FOXA3: variants seen among roughly 807,000 people sequenced by gnomAD.
FOXA3 encodes the protein hepatocyte nuclear factor 3-gamma.
In FOXA3, 11 loss-of-function variants were observed where a neutral mutation model predicts 16.9. The observed-to-expected ratio is 0.65, with a 90% CI of 0.41 to 1.08. FOXA3 has a LOEUF of 1.08. FOXA3 is among the 50% of genes least tolerant of loss of function. The probability of loss-of-function intolerance (pLI) is 0.00; values close to 1 mark genes in which losing one functional copy is unlikely to be tolerated. For synonymous variants in FOXA3, 217 were observed against 203.3 expected (o/e 1.07, Z -0.57); for missense variants, 423 against 470.1 (o/e 0.90, Z 0.93).
chr19:45,869,008 A>T (rs1397552941), intron 1 of FOXA3, among the ~76,000 whole-genome samples: 1 of 151,754 alleles, frequency 6.6e-6, no homozygotes, highest in Non-Finnish European at 1.5e-5. Context: ...GCTCACCACA[A>T]CCTCTGCCTC....
At position 45,872,631 on chromosome 19, in the gene FOXA3, G is replaced by T. The variant is rs1005769337; in HGVS notation, c.626G>T (p.Arg209Leu). 5.6e-6 allele frequency: 9 copies of T among 1,613,638 alleles called. No individual in the cohort carries two copies. The highest frequency in any genetic ancestry group is 1.3e-5 in the African/African-American group (1 of 74,904). Residue 209 changes from arginine (R) to leucine (L), a missense_variant, in exon 2 of 2, where the codon CGC (arginine) becomes CTC (leucine). Arg to Leu is a moderately radical substitution (Grantham distance 102, BLOSUM62 -2). Transcript: ENST00000302177. This position sits in a 1 kb window ranked among gnomAD's most constrained non-coding sequence, Gnocchi z 4.5. ...NMFENGCYLR[R>L]QKRFKLEEKV... ...TTTGAGAATGGCTGCTACCTGCGCC[G>T]CCAGAAACGCTTCAAGCTGGAGGAG...
chr19:45,866,251 A>G (rs1972084206), intron 1 of FOXA3, among the ~76,000 whole-genome samples: 2 of 152,048 alleles, frequency 1.3e-5, no homozygotes, highest in Admixed American at 1.3e-4. Flanking sequence ...GTCTTTAAAA[A>G]AAAAATTTTT....
chr19:45,872,996 G>A lies in FOXA3; in HGVS notation c.991G>A (p.Gly331Ser), dbSNP rs761110488. 2.5e-6 allele frequency: 4 copies of A among 1,613,380 alleles called. No homozygotes were observed. Among genetic ancestry groups the A allele is most frequent in the East Asian group, 4.5e-5 (2 of 44,872 alleles). The change falls in exon 2 of 2, where the codon GGT (glycine) becomes AGT (serine). Residue 331 changes from glycine to serine, a missense_variant. Coordinates refer to ENST00000302177, the MANE Select transcript of FOXA3 (RefSeq NM_004497.3). This position sits in a 1 kb window ranked among gnomAD's most constrained non-coding sequence, Gnocchi z 4.5. The stretch of plus-strand genomic sequence containing the variant: ...GGGGTTTGGGGGCTACGGGGCTGAA[G>A]GTGGGGAGCCTGGAGTCTACTACCA... Reference protein sequence around the residue: ...DVGFGGYGAEGGEPGVYYQGL... With the variant: ...DVGFGGYGAESGEPGVYYQGL...
At chr19:45,871,699 A>C (rs1299846179) in intron 1 of FOXA3, among the ~76,000 whole-genome samples, 1 of 151,846 alleles carries the variant, frequency 6.6e-6, no homozygotes, top group Non-Finnish European at 1.5e-5. Context: ...ACGCCACTGC[A>C]CTCCAGCCTG....
Position 45,864,353 on chromosome 19 carries a change from C to A in FOXA3, c.-104C>A. On this transcript the variant is annotated 5_prime_UTR_variant, in exon 1 of 2. Coordinates refer to ENST00000302177, the MANE Select transcript of FOXA3 (RefSeq NM_004497.3). ...GACAGCCGTACCCCGGGCGGTCGGA[C>A]GGGCGGGCGCCGGTGGGAGCTCGGG... The A allele has an allele frequency of 1.9e-6, 2 of 1,048,068 alleles. No individual in the cohort carries two copies. The highest frequency in any genetic ancestry group is 1.2e-6 in the Non-Finnish European group (1 of 804,534). The allele number at this position is 1,048,068 out of a possible 1,614,324, so 64.9% of individuals were successfully genotyped here.
Position 45,873,365 on chromosome 19 carries a change from A to C in FOXA3, c.*307A>C, listed in dbSNP as rs1364825218. 7 of 427,868 alleles carry C rather than the reference A, an allele frequency of 1.6e-5. No homozygotes were observed. The Admixed American group carries it at 2.2e-4, about 14-fold the overall frequency. 26.5% of individuals were successfully genotyped at this position (427,868 alleles called of 1,614,324 possible). Reference sequence around the variant, plus strand: ...GGTTGGCCCTTTGGGTGTGATGGTGATAGCATTTCAGTGACATCTTCTTTG... The same window carrying C: ...GGTTGGCCCTTTGGGTGTGATGGTGCTAGCATTTCAGTGACATCTTCTTTG... On this transcript the variant is annotated 3_prime_UTR_variant, in exon 2 of 2. Coordinates refer to ENST00000302177, the MANE Select transcript of FOXA3 (RefSeq NM_004497.3).
In FOXA3 at chr19:45,872,748, C is replaced by A. The variant is rs201747924; in HGVS notation, c.743C>A (p.Thr248Asn). 1.8e-4 allele frequency: 290 copies of A among 1,603,772 alleles called. No individual in the cohort carries two copies. The African/African-American group carries it at 3.6e-3, about 20-fold the overall frequency. The part of the protein sequence containing the change: ...ASTTTPAATV[T>N]SPPQPPPPAP... ...ACCACCACCCCCGCGGCCACAGTCA[C>A]CTCCCCGCCCCAGCCCCCGCCTCCA... The change falls in exon 2 of 2, where the codon ACC becomes AAC. Residue 248 changes from threonine to asparagine, a missense_variant. Around this residue, in one of 3 missense-constraint regions of FOXA3, gnomAD observed 168 missense variants for 179.3 expected, o/e 0.94. Transcript: ENST00000302177. The surrounding 1 kb of genome is among the most constrained non-coding windows in gnomAD (Gnocchi z 4.5).
intron 1 of FOXA3, among the ~76,000 whole-genome samples, chr19:45,868,000 G>C (rs1394904267): frequency 6.6e-6 from 1 of 151,354 alleles, no homozygotes; most frequent in Non-Finnish European, 1.5e-5. Context: ...AAGAGCAAAA[G>C]AGGTTAGGGT....
chr19:45,865,619 A>G (rs1972077578), intron 1 of FOXA3, among the ~76,000 whole-genome samples: 3 of 152,056 alleles, frequency 2.0e-5, no homozygotes, highest in African/African-American at 7.2e-5. Context: ...TAGGTTCTCC[A>G]AGGAGTCAAG....
rs190038954 is a variant in FOXA3, at chr19:45,867,716, G to T, written c.69+3191G>T. 1.6e-4 allele frequency among the ~76,000 whole-genome samples: 24 copies of T among 145,566 alleles called. 1 individual carries two copies. The East Asian group carries it at 5.0e-3, about 30-fold the overall frequency. On this transcript the variant is annotated intron_variant, in intron 1 of 1. Coordinates refer to ENST00000302177, the MANE Select transcript of FOXA3 (RefSeq NM_004497.3). ...AATTGCTTGAACCCAGGAGGCGGAGGTTGCAGTGAGCCGAGATGGAGCCAC... is the reference window on the plus strand; with the variant it reads ...AATTGCTTGAACCCAGGAGGCGGAGTTTGCAGTGAGCCGAGATGGAGCCAC...
Position 45,864,414 on chromosome 19 carries a change from C to T in FOXA3, c.-43C>T, listed in dbSNP as rs755530960. The T allele has an allele frequency of 4.5e-5, 62 of 1,373,378 alleles. No homozygotes were observed. Among genetic ancestry groups the T allele is most frequent in the Non-Finnish European group, 4.3e-5 (45 of 1,049,796 alleles). The allele number at this position is 1,373,378 out of a possible 1,614,324, so 85.1% of individuals were successfully genotyped here. On this transcript the variant is annotated 5_prime_UTR_variant, in exon 1 of 2. Coordinates refer to ENST00000302177, the MANE Select transcript of FOXA3 (RefSeq NM_004497.3). ...TGAGAGATCCAGAGCGCTCCGTTCC[C>T]CCGGGGCCGGAGCGGGGGCGGGTGG...
At chr19:45,871,031 A>C (rs1034821596) in intron 1 of FOXA3, among the ~76,000 whole-genome samples, 5 of 152,234 alleles carry the variant, frequency 3.3e-5, no homozygotes, top group African/African-American at 1.2e-4. Flanking sequence ...TTGAGGCTAC[A>C]GTGAGCTGCG....
chr19:45,872,146 C>A lies in FOXA3; in HGVS notation c.141C>A (p.Ser47Arg). 6.3e-7 allele frequency: 1 copy of A among 1,594,224 alleles called. No individual in the cohort carries two copies. Among genetic ancestry groups the A allele is most frequent in the Non-Finnish European group, 8.5e-7 (1 of 1,170,588 alleles). The change falls in exon 2 of 2, where the codon AGC becomes AGA. Residue 47 changes from serine to arginine, a missense_variant. Physicochemically the swap from Ser to Arg is moderately radical, Grantham distance 110 (BLOSUM62 -1). Coordinates refer to ENST00000302177, the MANE Select transcript of FOXA3 (RefSeq NM_004497.3). This position sits in a 1 kb window ranked among gnomAD's most constrained non-coding sequence, Gnocchi z 4.5. ...CCTACATGACCCTGAATCCTCTAAGCTCTCCCTATCCCCCTGGGGGGCTCC... is the reference window on the plus strand; with the variant it reads ...CCTACATGACCCTGAATCCTCTAAGATCTCCCTATCCCCCTGGGGGGCTCC... Reference protein sequence around the residue: ...LNSYMTLNPLSSPYPPGGLPA... With the variant: ...LNSYMTLNPLRSPYPPGGLPA...
intron 1 of FOXA3, among the ~76,000 whole-genome samples, chr19:45,867,308 G>A (rs867826936): frequency 1.3e-5 from 2 of 151,940 alleles, no homozygotes; most frequent in African/African-American, 2.4e-5. Flanking sequence ...GAGGGGACCC[G>A]AAGCCACCAA....
intron 1 of FOXA3, among the ~76,000 whole-genome samples, chr19:45,865,203 C>G (rs1054644116): frequency 2.0e-5 from 3 of 151,820 alleles, no homozygotes; most frequent in Non-Finnish European, 4.4e-5. Context: ...CCGATCTCCA[C>G]CCCCCCATCC....
In FOXA3 at chr19:45,864,488, A is replaced by T; in HGVS notation, c.32A>T (p.Asp11Val). 1 of 1,543,998 alleles carries T rather than the reference A, an allele frequency of 6.5e-7. No individual in the cohort carries two copies. The highest frequency in any genetic ancestry group is 8.7e-7 in the Non-Finnish European group (1 of 1,143,330). The change falls in exon 1 of 2, where the codon GAC becomes GTC. Residue 11 changes from aspartate (D) to valine (V), a missense_variant. Around this residue, in one of 3 missense-constraint regions of FOXA3, gnomAD observed 170 missense variants for 153.9 expected, o/e 1.10. Transcript: ENST00000302177. Reference protein sequence around the residue: MLGSVKMEAHDLAEWSYYPEA... With the variant: MLGSVKMEAHVLAEWSYYPEA... ...GGCTCAGTGAAGATGGAGGCCCATG[A>T]CCTGGCCGAGTGGAGCTACTACCCG... is the stretch of plus-strand genomic sequence containing the variant.
chr19:45,871,098 A>G (rs1404272888), intron 1 of FOXA3, among the ~76,000 whole-genome samples: 2 of 152,096 alleles, frequency 1.3e-5, no homozygotes, highest in Non-Finnish European at 2.9e-5. Context: ...GAAAAAAAAA[A>G]TTATTTAGGA....
chr19:45,868,486 A>G (rs1262034318), intron 1 of FOXA3, among the ~76,000 whole-genome samples: 1 of 151,608 alleles, frequency 6.6e-6, no homozygotes, highest in East Asian at 1.9e-4. Context: ...AGGCTGAGGC[A>G]GGAGAATCGC....
At position 45,872,429 on chromosome 19, in the gene FOXA3, G is replaced by A; in HGVS notation, c.424G>A (p.Glu142Lys). Reference protein sequence around the residue: ...QAPGKMLTLSEIYQWIMDLFP... With the variant: ...QAPGKMLTLSKIYQWIMDLFP... Reference sequence around the variant, plus strand: ...GCCGGGCAAGATGCTGACCTTGAGTGAAATCTACCAGTGGATCATGGACCT... The same window carrying A: ...GCCGGGCAAGATGCTGACCTTGAGTAAAATCTACCAGTGGATCATGGACCT... Residue 142 changes from glutamate (E) to lysine (K), a missense_variant, in exon 2 of 2, where the codon GAA becomes AAA. This residue lies in a region of FOXA3 where 85 missense variants were observed against 136.9 expected (regional missense o/e 0.62). Coordinates refer to ENST00000302177, the MANE Select transcript of FOXA3 (RefSeq NM_004497.3). The surrounding 1 kb of genome is among the most constrained non-coding windows in gnomAD (Gnocchi z 4.5). The A allele has an allele frequency of 2.5e-6, 4 of 1,614,228 alleles. No homozygotes were observed. The highest frequency in any genetic ancestry group is 3.4e-6 in the Non-Finnish European group (4 of 1,180,038).
Sources: gnomAD v4.1 joint callset for allele counts (sites outside exome capture counted in the v4.1 genomes callset) on GRCh38, gnomAD v4.1.1 for gene constraint, gnomAD v4.1.1 regional missense constraint, Gnocchi (gnomAD v3.1) non-coding constraint, MANE v1.5 for transcripts, NCBI Gene and HGNC (gene_info 2026-07-23, HGNC 2026-07-21) for gene names.